The following KCNMB4 variants were observed in gnomAD, a reference collection of about 807,000 sequenced individuals.
KCNMB4 encodes potassium calcium-activated channel subfamily M regulatory beta subunit 4, also known as calcium-activated potassium channel subunit beta-4.
Under a neutral mutation model 20.7 loss-of-function variants are expected in KCNMB4, and 3 were observed. The ratio of observed to expected loss-of-function variants is 0.14; its 90% CI spans 0.07 to 0.37. KCNMB4 has a LOEUF of 0.37. Among genes scored for constraint, KCNMB4 ranks in the 10% least tolerant of loss-of-function variants. The pLI, the probability that KCNMB4 is intolerant of heterozygous loss-of-function variation, is 1.00. For missense variants in KCNMB4, 168 were observed against 265.9 expected (o/e 0.63, Z 2.56); for synonymous variants, 110 against 113.4 (o/e 0.97, Z 0.19).
At chr12:70,367,127 C>A in intron 1 of KCNMB4, 57 bp downstream of exon 1, 1 of 1,353,710 alleles carries the variant, frequency 7.4e-7, no homozygotes, top group South Asian at 1.5e-5. Flanking sequence ...GAGGCAGCGT[C>A]GGTGTTAGAC....
chr12:70,376,229 A>G (rs1883684375), intron 1 of KCNMB4, among the ~76,000 whole-genome samples: 1 of 152,008 alleles, frequency 6.6e-6, no homozygotes, highest in East Asian at 1.9e-4. Context: ...AAAAAGCCTC[A>G]GCTAATATCA....
rs536090402 is a variant in KCNMB4 at position 70,370,722 on chromosome 12, A to T, written c.336+3652A>T. On this transcript the variant is annotated intron_variant, in intron 1 of 2. Transcript: ENST00000258111. ...AAAACCAATAAGTTTAAATGAAATG[A>T]ACTTGATTCCAGACATTTGCATTTG... 9.9e-5 allele frequency among the ~76,000 whole-genome samples: 15 copies of T among 152,224 alleles called. No individual in the cohort carries two copies. In the South Asian group the frequency reaches 3.1e-3, roughly 32 times the overall value.
At chr12:70,392,108 C>G (rs970146304) in intron 1 of KCNMB4, among the ~76,000 whole-genome samples, 5 of 152,124 alleles carry the variant, frequency 3.3e-5, no homozygotes, top group African/African-American at 9.7e-5. Context: ...CATACATACA[C>G]ACATTGAATT....
At chr12:70,413,900 G>A (rs1868848302) in intron 2 of KCNMB4, among the ~76,000 whole-genome samples, 1 of 152,164 alleles carries the variant, frequency 6.6e-6, no homozygotes, top group Non-Finnish European at 1.5e-5. Context: ...GGAAAGTGGG[G>A]AGCTATTGCT....
chr12:70,417,482 T>G (rs769968111), intron 2 of KCNMB4, among the ~76,000 whole-genome samples: 3 of 152,114 alleles, frequency 2.0e-5, no homozygotes, highest in Non-Finnish European at 2.9e-5. Flanking sequence ...CTGGGCTAGA[T>G]AGAGATCGAT....
intron 2 of KCNMB4, among the ~76,000 whole-genome samples, chr12:70,405,587 A>G (rs956270713): frequency 3.3e-5 from 5 of 152,190 alleles, no homozygotes; most frequent in Admixed American, 6.5e-5. Context: ...ATGTTCCTCA[A>G]AAAATTAAAA....
chr12:70,380,273 C>G (rs1475003988), intron 1 of KCNMB4, among the ~76,000 whole-genome samples: 1 of 152,120 alleles, frequency 6.6e-6, no homozygotes, highest in Non-Finnish European at 1.5e-5. Flanking sequence ...CTCACACATT[C>G]ATTGATTAAC....
intron 2 of KCNMB4, among the ~76,000 whole-genome samples, chr12:70,401,488 A>G (rs1477643879): frequency 6.6e-6 from 1 of 152,192 alleles, no homozygotes; most frequent in Non-Finnish European, 1.5e-5. Context: ...TAGTACTGCC[A>G]AGGTAATCTT....
intron 1 of KCNMB4, among the ~76,000 whole-genome samples, chr12:70,384,205 A>G (rs978672146): frequency 3.3e-5 from 5 of 152,224 alleles, no homozygotes; most frequent in Non-Finnish European, 7.3e-5. Flanking sequence ...AAGACTATAT[A>G]CAAAGATCAA....
chr12:70,425,862 GGC>G (rs1255479521), intron 2 of KCNMB4, among the ~76,000 whole-genome samples: 1 of 152,188 alleles, frequency 6.6e-6, no homozygotes, highest in Non-Finnish European at 1.5e-5. Context: ...TTTTTAGCTG[GGC>G]GCAGTGGCTC....
At chr12:70,389,156 A>G (rs956707817) in intron 1 of KCNMB4, among the ~76,000 whole-genome samples, 2 of 152,186 alleles carry the variant, frequency 1.3e-5, no homozygotes, top group African/African-American at 4.8e-5. Flanking sequence ...TTTTGGATAA[A>G]TTAATATTGA....
chr12:70,382,608 TATA>T (rs1200433740), intron 1 of KCNMB4, among the ~76,000 whole-genome samples: 1 of 152,080 alleles, frequency 6.6e-6, no homozygotes, highest in Non-Finnish European at 1.5e-5. Flanking sequence ...TGATTAATGA[TATA>T]ATAAGGGAAA....
rs533054327 is a variant in KCNMB4, at chr12:70,421,005, T to C, written c.465-9480T>C. Among the ~76,000 whole-genome samples the C allele has an allele frequency of 2.1e-5, 3 of 145,272 alleles. No homozygotes were observed. The South Asian group carries it at 6.5e-4, about 31-fold the overall frequency. The stretch of plus-strand genomic sequence containing the variant: ...GAGGGGAGCTTCCAGTGAGCTGAGA[T>C]AGCGCCACTGCACTCCAGCCTGGGC... On this transcript the variant is annotated intron_variant, in intron 2 of 2. Coordinates refer to ENST00000258111, the MANE Select transcript of KCNMB4 (RefSeq NM_014505.6).
chr12:70,414,633 A>G lies in KCNMB4; in HGVS notation c.464+14297A>G, dbSNP rs541486292. ...TTGATAAATCCAGAGACTGAAACTC[A>G]GTTAACGACATGGCATGAGCTTTTT... On this transcript the variant is annotated intron_variant, in intron 2 of 2. Coordinates refer to ENST00000258111, the MANE Select transcript of KCNMB4 (RefSeq NM_014505.6). Among the ~76,000 whole-genome samples the G allele has an allele frequency of 3.3e-4, 50 of 152,330 alleles. 1 individual carries two copies. The South Asian group carries it at 9.5e-3, about 29-fold the overall frequency.
At chr12:70,382,788 C>A (rs1883816000) in intron 1 of KCNMB4, among the ~76,000 whole-genome samples, 1 of 152,148 alleles carries the variant, frequency 6.6e-6, no homozygotes, top group Admixed American at 6.5e-5. Flanking sequence ...GTAGGCAGTT[C>A]AGTAAAGAAT....
At position 70,421,824 on chromosome 12, in the gene KCNMB4, G is replaced by A. The variant is rs908775796; in HGVS notation, c.465-8661G>A. The stretch of plus-strand genomic sequence containing the variant: ...TCTTGACCCCCTGACCTCTTGATCC[G>A]CCCGCCTTGGCCTCCCAAAGTGCTG... On this transcript the variant is annotated intron_variant, in intron 2 of 2. Transcript: ENST00000258111. 1.2e-4 allele frequency among the ~76,000 whole-genome samples: 18 copies of A among 150,474 alleles called. No homozygotes were observed. In the South Asian group the frequency reaches 1.9e-3, roughly 16 times the overall value.
intron 2 of KCNMB4, among the ~76,000 whole-genome samples, chr12:70,407,920 A>G (rs1452059461): frequency 1.3e-5 from 2 of 152,102 alleles, no homozygotes; most frequent in African/African-American, 4.8e-5. Context: ...CACCCCGACT[A>G]CTCAGGAAAT....
chr12:70,421,049 C>A (rs58117644), intron 2 of KCNMB4, among the ~76,000 whole-genome samples: 18 of 93,602 alleles, frequency 1.9e-4, no homozygotes, highest in Middle Eastern at 5.8e-3. Flanking sequence ...GAGACTCCGT[C>A]TCAAAAAAAA....
At chr12:70,397,486 A>G (rs1459359090) in intron 1 of KCNMB4, among the ~76,000 whole-genome samples, 2 of 152,168 alleles carry the variant, frequency 1.3e-5, no homozygotes, top group African/African-American at 2.4e-5. Flanking sequence ...ATCTCAGATT[A>G]TTTTCTCCAA....
Sources: gnomAD v4.1 joint callset for allele counts (sites outside exome capture counted in the v4.1 genomes callset) on GRCh38, gnomAD v4.1.1 for gene constraint, MANE v1.5 for transcripts, NCBI Gene and HGNC (gene_info 2026-07-23, HGNC 2026-07-21) for gene names.